The following PDSS1 variants were observed in gnomAD, a reference collection of about 807,000 sequenced individuals.
The protein encoded by PDSS1 is all trans-polyprenyl-diphosphate synthase PDSS1.
Under a neutral mutation model 57.5 loss-of-function variants are expected in PDSS1, and 43 were observed. The observed-to-expected ratio is 0.75, with a 90% CI of 0.59 to 0.96. The LOEUF (loss-of-function observed/expected upper bound fraction) is 0.96. PDSS1 is among the 50% of genes least tolerant of loss of function. The pLI is 0.00. For missense variants in PDSS1, 438 were observed against 527.8 expected, an observed-to-expected ratio of 0.83 and a Z score of 1.67; for synonymous variants, 175 against 191.3, an observed-to-expected ratio of 0.91 and a Z score of 0.70.
At chr10:26,745,024 C>A (rs372306853) in intron 11 of PDSS1, among the ~76,000 whole-genome samples, 1 of 151,790 alleles carries the variant, frequency 6.6e-6, no homozygotes, top group Non-Finnish European at 1.5e-5. Context: ...ATTAGCCAGG[C>A]GTGGTAGTGC....
At position 26,746,340 on chromosome 10, in the gene PDSS1, G is replaced by A; in HGVS notation, c.1115G>A (p.Gly372Asp). The part of the protein sequence containing the change: ...RARQYVLQSD[G>D]VQQTTYLAQQ... ...TTGTTCTGTATCTTATAGAGTGATG[G>A]TGTGCAACAAACAACCTACCTCGCC... The change falls in exon 12 of 12, where the codon GGT becomes GAT. Residue 372 changes from glycine to aspartate, a missense_variant. By Grantham distance (94) the Gly-to-Asp change is moderately conservative. Transcript: ENST00000376215. 1 of 1,614,090 alleles carries A rather than the reference G, an allele frequency of 6.2e-7. No individual in the cohort carries two copies. The highest frequency in any genetic ancestry group is 1.7e-4 in the Middle Eastern group (1 of 6,060).
intron 10 of PDSS1, among the ~76,000 whole-genome samples, chr10:26,739,545 A>G (rs1293975126): frequency 6.6e-6 from 1 of 152,226 alleles, no homozygotes; most frequent in Non-Finnish European, 1.5e-5. Flanking sequence ...TAGTAAAAGC[A>G]TCAGTGAAAA....
chr10:26,727,845 T>C (rs1412420302), intron 8 of PDSS1, among the ~76,000 whole-genome samples: 1 of 152,200 alleles, frequency 6.6e-6, no homozygotes, highest in Non-Finnish European at 1.5e-5. Flanking sequence ...CAGTCTTTCT[T>C]TGCCTCTCAT....
chr10:26,745,360 C>T lies in PDSS1; in HGVS notation c.1108-973C>T, dbSNP rs548582491. 1.3e-4 allele frequency among the ~76,000 whole-genome samples: 20 copies of T among 152,150 alleles called. 1 individual carries two copies. Among genetic ancestry groups the T allele is most frequent in the African/African-American group, 4.8e-4 (20 of 41,498 alleles). On this transcript the variant is annotated intron_variant, in intron 11 of 11. Coordinates refer to ENST00000376215, the MANE Select transcript of PDSS1 (RefSeq NM_014317.5). ...AGAATAGGATGTAAATATCTATAGT[C>T]TAACAAACAGTATAGTTAAAGGAAA...
At chr10:26,703,891 C>A (rs973826854) in intron 2 of PDSS1, among the ~76,000 whole-genome samples, 2 of 151,758 alleles carry the variant, frequency 1.3e-5, no homozygotes, top group African/African-American at 4.8e-5. Context: ...ACCATCCTGG[C>A]TAACACGGTG....
At chr10:26,741,170 C>G (rs569356323) in intron 10 of PDSS1, among the ~76,000 whole-genome samples, 1 of 152,196 alleles carries the variant, frequency 6.6e-6, no homozygotes, top group Admixed American at 6.5e-5. Flanking sequence ...TCTCTGGGAA[C>G]AGGATCTAGG....
At chr10:26,729,935 C>T (rs1350147371) in intron 8 of PDSS1, among the ~76,000 whole-genome samples, 23 of 102,680 alleles carry the variant, frequency 2.2e-4, no homozygotes, top group East Asian at 3.5e-4. Context: ...TTTTTTGAGA[C>T]GGAGTCTTGC....
At chr10:26,714,406 T>C (rs1372396696) in intron 5 of PDSS1, among the ~76,000 whole-genome samples, 1 of 145,640 alleles carries the variant, frequency 6.9e-6, no homozygotes, top group African/African-American at 2.6e-5. Context: ...ACCCAGGAGG[T>C]GGAGGCTGCA....
rs1267414510 is a variant in PDSS1, at chr10:26,704,747, T to G, written c.227+6T>G. ...AATGTATGTCGTATATCACGGTAAG[T>G]TTACAGTCCATACTGCAACTACTAA... On this transcript the variant is annotated splice_donor_region_variant and intron_variant, in intron 3 of 11. Coordinates refer to ENST00000376215, the MANE Select transcript of PDSS1 (RefSeq NM_014317.5). 1 of 1,387,434 alleles carries G rather than the reference T, an allele frequency of 7.2e-7. No individual in the cohort carries two copies. The highest frequency in any genetic ancestry group is 1.7e-5 in the Admixed American group (1 of 59,696). The allele number at this position is 1,387,434 out of a possible 1,614,324, so 85.9% of individuals were successfully genotyped here.
At chr10:26,724,167 T>C in intron 8 of PDSS1, 44 bp downstream of exon 8, 1 of 1,290,236 alleles carries the variant, frequency 7.8e-7, no homozygotes, top group Non-Finnish European at 1.1e-6. Flanking sequence ...CTCATAGCTC[T>C]TTTTTGGGAG....
intron 6 of PDSS1, among the ~76,000 whole-genome samples, chr10:26,721,723 A>C (rs1201024964): frequency 6.6e-6 from 1 of 152,176 alleles, no homozygotes; most frequent in African/African-American, 2.4e-5. Flanking sequence ...CTAAAGCCTT[A>C]TGTGGAGCCT....
At chr10:26,746,173 A>ATGAG (rs1836884667) in intron 11 of PDSS1, among the ~76,000 whole-genome samples, 160 bp from the exon 12 acceptor site, 1 of 152,236 alleles carries the variant, frequency 6.6e-6, no homozygotes, top group Non-Finnish European at 1.5e-5. Flanking sequence ...AGTTAGCACT[A>ATGAG]TGAGTCGGGA....
At chr10:26,723,007 C>T (rs1835837818) in intron 6 of PDSS1, among the ~76,000 whole-genome samples, 1 of 151,264 alleles carries the variant, frequency 6.6e-6, no homozygotes, top group Non-Finnish European at 1.5e-5. Context: ...TAACATGTAT[C>T]GTGCCATGCT....
chr10:26,720,038 G>C, intron 5 of PDSS1, 180 bp from the exon 6 acceptor site: 1 of 777,094 alleles, frequency 1.3e-6, no homozygotes, highest in Non-Finnish European at 2.0e-6. Context: ...GTTGTGGCAG[G>C]GTTTCTCATA....
intron 5 of PDSS1, chr10:26,717,905 A>T (rs1334866724): frequency 1.3e-5 from 2 of 152,162 alleles, no homozygotes; most frequent in Admixed American, 6.5e-5. Context: ...CTCAAAGAAG[A>T]TAGGGCCTAG....
intron 10 of PDSS1, among the ~76,000 whole-genome samples, chr10:26,741,438 G>A (rs934951699): frequency 2.0e-5 from 3 of 152,010 alleles, no homozygotes; most frequent in South Asian, 2.1e-4. Context: ...AGCCGAGGTC[G>A]TGCCACTGCA....
chr10:26,700,440 G>A (rs968947927), intron 1 of PDSS1, among the ~76,000 whole-genome samples: 5 of 152,164 alleles, frequency 3.3e-5, no homozygotes, highest in Middle Eastern at 3.4e-3. Context: ...CTCCTGATAT[G>A]GTTTGGCTCT....
At chr10:26,719,074 A>G (rs971300992) in intron 5 of PDSS1, among the ~76,000 whole-genome samples, 10 of 152,208 alleles carry the variant, frequency 6.6e-5, no homozygotes, top group African/African-American at 1.9e-4. Context: ...GTCATATTTC[A>G]GAATCCCTCT....
intron 4 of PDSS1, among the ~76,000 whole-genome samples, chr10:26,707,566 T>C (rs1402715208): frequency 6.6e-6 from 1 of 152,176 alleles, no homozygotes; most frequent in African/African-American, 2.4e-5. Context: ...CATGGTTCCC[T>C]TCACTCTGCA....
Sources: gnomAD v4.1 joint callset for allele counts (sites outside exome capture counted in the v4.1 genomes callset) on GRCh38, gnomAD v4.1.1 for gene constraint, MANE v1.5 for transcripts, NCBI Gene and HGNC (gene_info 2026-07-23, HGNC 2026-07-21) for gene names.